FAM241A: variants seen among roughly 807,000 people sequenced by gnomAD.
The protein encoded by FAM241A is family with sequence similarity 241 member A.
FAM241A carries 7 observed loss-of-function variants against 12.2 expected under a neutral mutation model. The ratio of observed to expected loss-of-function variants is 0.58; its 90% CI spans 0.33 to 1.08. FAM241A has a LOEUF of 1.08. FAM241A is among the 50% of genes least tolerant of loss of function. FAM241A has a pLI of 0.04. For missense variants in FAM241A, 161 were observed against 169.7 expected (o/e 0.95, Z 0.29); for synonymous variants, 74 against 68.2 (o/e 1.08, Z -0.42).
intron 1 of FAM241A, among the ~76,000 whole-genome samples, chr4:112,177,874 C>G (rs940257248): frequency 1.3e-4 from 20 of 152,128 alleles, no homozygotes; most frequent in Non-Finnish European, 2.6e-4. Context: ...GAAAAATTCA[C>G]AACTATGCTC....
intron 1 of FAM241A, among the ~76,000 whole-genome samples, chr4:112,176,801 C>T (rs564396423): frequency 7.5e-6 from 1 of 133,020 alleles, no homozygotes; most frequent in South Asian, 2.4e-4. Flanking sequence ...ATAGTCAGTA[C>T]TCTCTGTATA....
intron 1 of FAM241A, among the ~76,000 whole-genome samples, chr4:112,182,734 C>T (rs1723964080): frequency 6.6e-6 from 1 of 152,156 alleles, no homozygotes; most frequent in African/African-American, 2.4e-5. Flanking sequence ...GAAGTACTAA[C>T]ACTACAGAAA....
chr4:112,164,269 T>A (rs1044430238), intron 1 of FAM241A, among the ~76,000 whole-genome samples: 13 of 147,862 alleles, frequency 8.8e-5, no homozygotes, highest in African/African-American at 2.5e-4. Flanking sequence ...ATAATTTTTT[T>A]AAAAAAAGGA....
chr4:112,179,933 A>ATATATATATATG (rs1490192537), intron 1 of FAM241A, among the ~76,000 whole-genome samples: 7 of 128,490 alleles, frequency 5.4e-5, no homozygotes, highest in Non-Finnish European at 1.0e-4. Flanking sequence ...ATATATATAT[A>ATATATATATATG]TATATGTATA....
intron 1 of FAM241A, among the ~76,000 whole-genome samples, chr4:112,156,953 G>C (rs749863231): frequency 6.6e-6 from 1 of 152,078 alleles, no homozygotes; most frequent in Non-Finnish European, 1.5e-5. Flanking sequence ...TTGTTTTGTT[G>C]AAAATAGGAT....
At chr4:112,166,819 A>T (rs796073652) in intron 1 of FAM241A, among the ~76,000 whole-genome samples, 87 of 152,312 alleles carry the variant, frequency 5.7e-4, no homozygotes, top group African/African-American at 1.9e-3. Flanking sequence ...TTTTCTGAAG[A>T]TATTAAAAAT....
intron 1 of FAM241A, among the ~76,000 whole-genome samples, chr4:112,181,649 A>G (rs1723945484): frequency 6.6e-6 from 1 of 152,216 alleles, no homozygotes; most frequent in African/African-American, 2.4e-5. Flanking sequence ...TTAAGCTAAG[A>G]CCAAAAGGAG....
rs1724049279 is a variant in FAM241A, at chr4:112,186,688, TA to T, written c.154-2del. 21 of 1,560,018 alleles carry T rather than the reference TA, an allele frequency of 1.3e-5. No homozygotes were observed. The highest frequency in any genetic ancestry group is 1.7e-4 in the Middle Eastern group (1 of 5,784). On this transcript the variant is annotated splice_region_variant and splice_polypyrimidine_tract_variant and intron_variant, in intron 1 of 1. Transcript: ENST00000309733. ...CATGTTTTGTCTTTTTTTTTTTTTT[TA>T]AAGGATGTTGAAGACTCACAGAACC...
chr4:112,168,129 C>T (rs1203802913), intron 1 of FAM241A, among the ~76,000 whole-genome samples: 1 of 152,228 alleles, frequency 6.6e-6, no homozygotes, highest in Non-Finnish European at 1.5e-5. Flanking sequence ...TTCACTATAT[C>T]ACCATTCACC....
intron 1 of FAM241A, among the ~76,000 whole-genome samples, chr4:112,167,708 G>A (rs963523062): frequency 2.0e-5 from 3 of 152,168 alleles, no homozygotes; most frequent in Non-Finnish European, 4.4e-5. Flanking sequence ...TATATATTAA[G>A]CAGTTTAATA....
intron 1 of FAM241A, among the ~76,000 whole-genome samples, chr4:112,173,675 G>A (rs774144672): frequency 2.0e-5 from 3 of 152,162 alleles, no homozygotes; most frequent in Non-Finnish European, 2.9e-5. Context: ...TTTATACTGA[G>A]AGTTTGATCA....
At chr4:112,166,915 C>A (rs1283888281) in intron 1 of FAM241A, among the ~76,000 whole-genome samples, 1 of 143,416 alleles carries the variant, frequency 7.0e-6, no homozygotes, top group Non-Finnish European at 1.5e-5. Flanking sequence ...GAGATCGAGA[C>A]CATCCCGGCT....
rs1281253701 is a variant in FAM241A, at chr4:112,192,556, C to T, written c.*5618C>T. ...GTTCCCCTTCCTGTGTCCATGTGTTCTCATTGTTCAATTCCCATCTATGAG... is the reference window on the plus strand; with the variant it reads ...GTTCCCCTTCCTGTGTCCATGTGTTTTCATTGTTCAATTCCCATCTATGAG... On this transcript the variant is annotated 3_prime_UTR_variant, in exon 2 of 2. Coordinates refer to ENST00000309733, the MANE Select transcript of FAM241A (RefSeq NM_152400.3). The T allele has an allele frequency of 1.4e-5, 2 of 146,764 alleles. No homozygotes were observed. Among genetic ancestry groups the T allele is most frequent in the Admixed American group, 7.0e-5 (1 of 14,318 alleles). 9.1% of individuals were successfully genotyped at this position (146,764 alleles called of 1,614,324 possible).
chr4:112,179,311 A>C (rs183015583), intron 1 of FAM241A, among the ~76,000 whole-genome samples: 1 of 152,336 alleles, frequency 6.6e-6, no homozygotes, highest in African/African-American at 2.4e-5. Flanking sequence ...ACCAACCCAA[A>C]TGTCCAACAA....
In FAM241A at chr4:112,187,549, G is replaced by A. The variant is rs1724071369; in HGVS notation, c.*611G>A. ...AAAAATAATATATTTATTATTACTGGGGAAAGCTCCCAGGTTAAATATAAC... is the reference window on the plus strand; with the variant it reads ...AAAAATAATATATTTATTATTACTGAGGAAAGCTCCCAGGTTAAATATAAC... On this transcript the variant is annotated 3_prime_UTR_variant, in exon 2 of 2. Transcript: ENST00000309733. The A allele has an allele frequency of 6.6e-6, 1 of 152,442 alleles. No individual in the cohort carries two copies. The allele number at this position is 152,442 out of a possible 1,614,324, so 9.4% of individuals were successfully genotyped here.
In FAM241A at chr4:112,186,778, A is replaced by C. The variant is rs774436785; in HGVS notation, c.239A>C (p.Lys80Thr). The C allele has an allele frequency of 6.2e-7, 1 of 1,614,134 alleles. No homozygotes were observed. Among genetic ancestry groups the C allele is most frequent in the Non-Finnish European group, 8.5e-7 (1 of 1,180,000 alleles). Residue 80 changes from lysine to threonine, a missense_variant, in exon 2 of 2, where the codon AAA (lysine) becomes ACA (threonine). Transcript: ENST00000309733. ...KMGTLFGELN[K>T]NLINMGFTRM... ...GGAACACTTTTTGGTGAACTGAACA[A>C]AAACCTTATCAACATGGGCTTCACA...
Position 112,170,468 on chromosome 4 carries a change from GTC to G in FAM241A, c.154-16219_154-16218del, listed in dbSNP as rs545443364. Among the ~76,000 whole-genome samples, 183 of 152,266 alleles carry G rather than the reference GTC, an allele frequency of 1.2e-3. 1 individual carries two copies. The highest frequency in any genetic ancestry group is 4.2e-3 in the African/African-American group (174 of 41,534). On this transcript the variant is annotated intron_variant, in intron 1 of 1. Coordinates refer to ENST00000309733, the MANE Select transcript of FAM241A (RefSeq NM_152400.3). The stretch of plus-strand genomic sequence containing the variant: ...CTGTAATAAAAGTTGTATGAATGTG[GTC>G]TCTCTTTCTCTCAAAATAATCTTAT...
At chr4:112,156,062 A>G (rs1723347663) in intron 1 of FAM241A, among the ~76,000 whole-genome samples, 1 of 152,214 alleles carries the variant, frequency 6.6e-6, no homozygotes, top group African/African-American at 2.4e-5. Context: ...AAATCAATTT[A>G]GTGGATTTTA....
intron 1 of FAM241A, 25 bp downstream of exon 1, chr4:112,145,758 GA>G: frequency 8.8e-7 from 1 of 1,133,022 alleles, no homozygotes; most frequent in Non-Finnish European, 1.1e-6. Context: ...GGGCGGCGGC[GA>G]AGCGGCCGGG....
Sources: allele counts gnomAD v4.1 joint callset (sites outside exome capture counted in the v4.1 genomes callset), GRCh38; gene constraint gnomAD v4.1.1; transcripts MANE v1.5; gene names NCBI Gene and HGNC (gene_info 2026-07-23, HGNC 2026-07-21).